STXBP4: variants seen among roughly 807,000 people sequenced by gnomAD.
The protein encoded by STXBP4 is syntaxin-binding protein 4.
In STXBP4, 55 loss-of-function variants were observed where a neutral mutation model predicts 76.1. That is an observed-to-expected ratio of 0.72 (90% CI 0.58 to 0.91). The LOEUF (loss-of-function observed/expected upper bound fraction) is 0.91, where lower values mean the gene tolerates loss of function less well. STXBP4 is among the 40% of genes least tolerant of loss of function. The probability of loss-of-function intolerance (pLI) is 0.00; values close to 1 mark genes in which losing one functional copy is unlikely to be tolerated. For missense variants in STXBP4, 618 were observed against 636.9 expected, an observed-to-expected ratio of 0.97 and a Z score of 0.32; for synonymous variants, 201 against 220.2, an observed-to-expected ratio of 0.91 and a Z score of 0.77.
chr17:55,073,918 C>G (rs138536813), intron 13 of STXBP4, among the ~76,000 whole-genome samples: 2 of 152,246 alleles, frequency 1.3e-5, no homozygotes, highest in African/African-American at 4.8e-5. Context: ...CATGAGCCAC[C>G]ACGCCTGGAC....
At chr17:55,077,889 A>T (rs1567751180) in intron 13 of STXBP4, among the ~76,000 whole-genome samples, 189 bp from the exon 14 acceptor site, 2 of 152,186 alleles carry the variant, frequency 1.3e-5, no homozygotes, top group Admixed American at 6.6e-5. Context: ...TAAAACTTGC[A>T]GTATCTCTGT....
chr17:54,999,449 G>T lies in STXBP4; in HGVS notation c.285G>T (p.Leu95Phe). ...AAAGCATAATTACCGGAGCCAAGTT[G>T]AGGTAACTATACTATCCATGAGATA... The part of the protein sequence containing the change: ...EAKSIITGAK[L>F]RLESAWEIAF... Residue 95 changes from leucine (L) to phenylalanine (F), a missense_variant and splice_region_variant, in exon 5 of 18, where the codon TTG (leucine) becomes TTT (phenylalanine). Transcript: ENST00000376352. 6.2e-7 allele frequency: 1 copy of T among 1,608,188 alleles called. No homozygotes were observed. Among genetic ancestry groups the T allele is most frequent in the Middle Eastern group, 1.7e-4 (1 of 6,054 alleles).
chr17:55,183,082 T>C, the STXBP4 span, among the ~76,000 whole-genome samples: 1 of 152,146 alleles, frequency 6.6e-6, no homozygotes, highest in Non-Finnish European at 1.5e-5. Context: ...TTTAAATATC[T>C]CTAAACCTAT....
At chr17:55,005,980 C>A (rs955392105) in intron 7 of STXBP4, among the ~76,000 whole-genome samples, 1 of 151,682 alleles carries the variant, frequency 6.6e-6, no homozygotes, top group African/African-American at 2.4e-5. Flanking sequence ...TATATGCATA[C>A]CCATATATGT....
In STXBP4 at chr17:55,022,699, G is replaced by A. The variant is rs555117002; in HGVS notation, c.667-8469G>A. Among the ~76,000 whole-genome samples the A allele has an allele frequency of 4.0e-3, 615 of 152,248 alleles. 1 individual carries two copies. The highest frequency in any genetic ancestry group is 0.024 in the Middle Eastern group (7 of 294). On this transcript the variant is annotated intron_variant, in intron 8 of 17. Coordinates refer to ENST00000376352, the MANE Select transcript of STXBP4 (RefSeq NM_178509.6). ...TGAGACATGAAGCGTGAGAATTATGGTGCTAGGGAAAAACTTCTGAGATAT... is the reference window on the plus strand; with the variant it reads ...TGAGACATGAAGCGTGAGAATTATGATGCTAGGGAAAAACTTCTGAGATAT...
chr17:55,011,985 C>G (rs1567717641), intron 8 of STXBP4, among the ~76,000 whole-genome samples: 1 of 152,164 alleles, frequency 6.6e-6, no homozygotes, highest in Admixed American at 6.5e-5. Context: ...TCATTAACAT[C>G]AGAGCATGGG....
intron 16 of STXBP4, among the ~76,000 whole-genome samples, chr17:55,132,020 G>A (rs901197112): frequency 7.2e-5 from 11 of 152,096 alleles, no homozygotes; most frequent in African/African-American, 2.2e-4. Flanking sequence ...ACTGCACCTG[G>A]GCAACAGCAG....
chr17:54,981,503 G>A (rs1475979946), intron 1 of STXBP4, among the ~76,000 whole-genome samples: 7 of 152,126 alleles, frequency 4.6e-5, no homozygotes, highest in Non-Finnish European at 1.0e-4. Flanking sequence ...AAATGTAGTT[G>A]AGACAATGGG....
intron 9 of STXBP4, among the ~76,000 whole-genome samples, chr17:55,032,590 T>A (rs2078528286): frequency 6.6e-6 from 1 of 152,206 alleles, no homozygotes; most frequent in Non-Finnish European, 1.5e-5. Context: ...AGGAGAATTA[T>A]GCATGCTCTT....
At chr17:54,987,020 A>G (rs913353031) in intron 3 of STXBP4, among the ~76,000 whole-genome samples, 1 of 152,202 alleles carries the variant, frequency 6.6e-6, no homozygotes, top group African/African-American at 2.4e-5. Flanking sequence ...CCAAATACCC[A>G]GTTTCCTCAC....
chr17:55,193,171 G>A, the STXBP4 span, among the ~76,000 whole-genome samples: 1 of 152,142 alleles, frequency 6.6e-6, no homozygotes. Context: ...TGAGGGACTA[G>A]GATGAATTCT....
At chr17:55,190,854 C>T in the STXBP4 span, among the ~76,000 whole-genome samples, 8,159 of 152,152 alleles carry the variant, frequency 0.054, 370 homozygotes, top group East Asian at 0.15. Flanking sequence ...AAGAAATTAA[C>T]GTGTTCAAAA....
At chr17:55,183,724 A>C in the STXBP4 span, among the ~76,000 whole-genome samples, 1 of 152,236 alleles carries the variant, frequency 6.6e-6, no homozygotes, top group African/African-American at 2.4e-5. Context: ...AACTGAAAGA[A>C]AGGTAGTATC....
intron 10 of STXBP4, among the ~76,000 whole-genome samples, chr17:55,041,257 G>C (rs1469467884): frequency 7.7e-6 from 1 of 130,120 alleles, no homozygotes; most frequent in Non-Finnish European, 1.6e-5. Context: ...TTTGAGACAT[G>C]GTCTCACCCT....
At chr17:55,024,418 C>T (rs951402128) in intron 8 of STXBP4, among the ~76,000 whole-genome samples, 2 of 152,190 alleles carry the variant, frequency 1.3e-5, no homozygotes, top group Non-Finnish European at 2.9e-5. Context: ...AAAGAGCCAG[C>T]GTGCAATTCA....
intron 1 of STXBP4, among the ~76,000 whole-genome samples, chr17:54,972,087 A>G (rs1439515982): frequency 6.6e-6 from 1 of 152,210 alleles, no homozygotes. Context: ...TAGGCATCAC[A>G]TGATCTCAAT....
the STXBP4 span, among the ~76,000 whole-genome samples, chr17:55,202,436 A>ACAT: frequency 1.3e-4 from 20 of 152,042 alleles, no homozygotes; most frequent in East Asian, 3.9e-4. Flanking sequence ...AAATTAAATG[A>ACAT]CATTTAATTA....
downstream of STXBP4, chr17:55,173,729 T>A (rs1598364095): frequency 6.6e-6 from 1 of 152,250 alleles, no homozygotes; most frequent in Admixed American, 6.5e-5. Flanking sequence ...TTTTCTATTG[T>A]TGCCCTTTAA....
chr17:55,004,160 G>A (rs1370269813), intron 7 of STXBP4, among the ~76,000 whole-genome samples: 1 of 151,560 alleles, frequency 6.6e-6, no homozygotes. Context: ...TCCAGCCTGG[G>A]TGACATAGCA....
Sources: gnomAD v4.1 joint callset for allele counts (sites outside exome capture counted in the v4.1 genomes callset) on GRCh38, gnomAD v4.1.1 for gene constraint, MANE v1.5 for transcripts, NCBI Gene and HGNC (gene_info 2026-07-23, HGNC 2026-07-21) for gene names.